Variants in FYB1 observed in about 807,000 individuals in gnomAD.
FYB1 encodes the protein FYN-binding protein 1.
FYB1 carries 41 observed loss-of-function variants against 94.1 expected under a neutral mutation model. The ratio of observed to expected loss-of-function variants is 0.44; its 90% confidence interval spans 0.34 to 0.57. FYB1 has a LOEUF of 0.57. FYB1 is among the 20% of genes least tolerant of loss of function. The pLI is 0.02. For synonymous variants in FYB1, 367 were observed against 353.2 expected (o/e 1.04, Z -0.44); for missense variants, 1,050 against 976.8 (o/e 1.07, Z -1.00).
intron 16 of FYB1, chr5:39,110,634 T>G: frequency 2.5e-6 from 1 of 397,530 alleles, no homozygotes. Flanking sequence ...CCTTTCCTCC[T>G]TTCCCCTTTA....
At chr5:39,150,569 A>G (rs1743157497) in intron 3 of FYB1, among the ~76,000 whole-genome samples, 1 of 152,204 alleles carries the variant, frequency 6.6e-6, no homozygotes, top group Non-Finnish European at 1.5e-5. Flanking sequence ...TGATTTTAAC[A>G]TCTTCATCCT....
chr5:39,203,354 G>T (rs965952301), intron 1 of FYB1, among the ~76,000 whole-genome samples: 1 of 152,070 alleles, frequency 6.6e-6, no homozygotes, highest in African/African-American at 2.4e-5. Flanking sequence ...ACTAAAAAAA[G>T]ATTTCTTCCA....
At chr5:39,125,521 T>C (rs1211996832) in intron 12 of FYB1, among the ~76,000 whole-genome samples, 1 of 152,148 alleles carries the variant, frequency 6.6e-6, no homozygotes, top group Non-Finnish European at 1.5e-5. Flanking sequence ...GAGAAAAAAA[T>C]TCAAAATTAT....
chr5:39,139,526 T>TA (rs1741969853), intron 4 of FYB1: 1 of 204,568 alleles, frequency 4.9e-6, no homozygotes, highest in African/African-American at 2.3e-5. Flanking sequence ...TTATTACCTT[T>TA]ATGAAAAGGG....
intron 1 of FYB1, among the ~76,000 whole-genome samples, chr5:39,233,017 G>A (rs559190731): frequency 1.8e-4 from 28 of 152,026 alleles, no homozygotes; most frequent in African/African-American, 4.6e-4. Context: ...GAATAATGCC[G>A]CAAGAAACAT....
chr5:39,239,484 A>G (rs1751111945), intron 1 of FYB1, among the ~76,000 whole-genome samples: 1 of 152,164 alleles, frequency 6.6e-6, no homozygotes, highest in Non-Finnish European at 1.5e-5. Flanking sequence ...AAATCAATGC[A>G]TGAAAATTAA....
chr5:39,209,355 C>T (rs925411396), intron 1 of FYB1, among the ~76,000 whole-genome samples: 14 of 149,802 alleles, frequency 9.3e-5, no homozygotes, highest in African/African-American at 3.4e-4. Flanking sequence ...GAGACGGAGC[C>T]TCCCTCTATC....
chr5:39,138,950 G>A, intron 5 of FYB1: 1 of 545,834 alleles, frequency 1.8e-6, no homozygotes, highest in East Asian at 3.2e-5. Context: ...CTTAGAAATA[G>A]ACTGGGAAAG....
intron 2 of FYB1, among the ~76,000 whole-genome samples, chr5:39,185,613 T>TATATACATATATACATATATATAC (rs1746695080): frequency 6.9e-6 from 1 of 145,928 alleles, no homozygotes; most frequent in African/African-American, 2.6e-5. Context: ...TATACACATA[T>TATATACATATATACATATATATAC]ATATATATAC....
At chr5:39,161,346 A>T (rs1365108201) in intron 2 of FYB1, among the ~76,000 whole-genome samples, 1 of 152,216 alleles carries the variant, frequency 6.6e-6, no homozygotes, top group Non-Finnish European at 1.5e-5. Context: ...TCTGCACAGT[A>T]AAACATTTAA....
intron 2 of FYB1, among the ~76,000 whole-genome samples, chr5:39,166,328 C>T (rs572119147): frequency 1.3e-5 from 2 of 151,712 alleles, no homozygotes; most frequent in Admixed American, 6.6e-5. Flanking sequence ...CTCAGCTACT[C>T]GGGAGGCTGA....
chr5:39,119,911 A>G (rs1210400281), intron 14 of FYB1, among the ~76,000 whole-genome samples: 1 of 152,102 alleles, frequency 6.6e-6, no homozygotes, highest in Non-Finnish European at 1.5e-5. Flanking sequence ...CATGGTTTAA[A>G]CTTGGTTGCA....
At chr5:39,155,498 C>T (rs531772090) in intron 2 of FYB1, among the ~76,000 whole-genome samples, 24 of 152,256 alleles carry the variant, frequency 1.6e-4, no homozygotes, top group African/African-American at 4.8e-4. Flanking sequence ...GAATCCGGTT[C>T]GTTTTTGTCC....
At chr5:39,258,687 G>A (rs1215365312) in intron 1 of FYB1, among the ~76,000 whole-genome samples, 10 of 152,132 alleles carry the variant, frequency 6.6e-5, no homozygotes, top group Admixed American at 6.5e-4. Flanking sequence ...AAGAGATGGA[G>A]GAGAGCAATC....
chr5:39,196,485 G>A (rs993067722), intron 2 of FYB1, among the ~76,000 whole-genome samples: 44 of 152,104 alleles, frequency 2.9e-4, no homozygotes, highest in Admixed American at 1.0e-3. Flanking sequence ...ATGAGCCACC[G>A]CACCCGGTCT....
chr5:39,174,389 T>C (rs1378455985), intron 2 of FYB1, among the ~76,000 whole-genome samples: 1 of 152,224 alleles, frequency 6.6e-6, no homozygotes, highest in African/African-American at 2.4e-5. Context: ...ACCCTAGGAC[T>C]GAAAGTCTTT....
intron 1 of FYB1, among the ~76,000 whole-genome samples, chr5:39,206,784 C>G (rs1031154481): frequency 6.6e-6 from 1 of 152,202 alleles, no homozygotes; most frequent in Admixed American, 6.5e-5. Flanking sequence ...ATGTTGCTAA[C>G]CGGTGCATAT....
In FYB1 at chr5:39,153,624, AT is replaced by A. The variant is rs755720127; in HGVS notation, c.1136-21del. ...TAGTACCTAAGAAGCAAAGCAAACA[AT>A]ACCATGAATTAAGACAAATCTTCAA... On this transcript the variant is annotated intron_variant, in intron 2 of 18. Transcript: ENST00000512982. 1.3e-6 allele frequency: 2 copies of A among 1,584,064 alleles called. No homozygotes were observed. The highest frequency in any genetic ancestry group is 4.5e-5 in the East Asian group (2 of 44,354).
At chr5:39,243,974 T>G (rs1188981260) in intron 1 of FYB1, among the ~76,000 whole-genome samples, 1 of 152,168 alleles carries the variant, frequency 6.6e-6, no homozygotes, top group Non-Finnish European at 1.5e-5. Context: ...ATGCTTGTGA[T>G]TTTTGCACAC....
Sources: allele counts gnomAD v4.1 joint callset (sites outside exome capture counted in the v4.1 genomes callset), GRCh38; gene constraint gnomAD v4.1.1; transcripts MANE v1.5; gene names NCBI Gene and HGNC (gene_info 2026-07-23, HGNC 2026-07-21).